TSBP1: variants seen among roughly 807,000 people sequenced by gnomAD.
TSBP1 encodes testis-expressed basic protein 1.
In TSBP1, 56 loss-of-function variants were observed where a neutral mutation model predicts 68.8. The ratio of observed to expected loss-of-function variants is 0.81; its 90% confidence interval spans 0.66 to 1.02. The LOEUF is 1.02. Among genes scored for constraint, TSBP1 ranks in the 50% least tolerant of loss-of-function variants. The pLI is 0.00. For missense variants in TSBP1, 502 were observed against 641.2 expected (o/e 0.78, Z 2.34); for synonymous variants, 171 against 208.7 (o/e 0.82, Z 1.56).
Position 32,333,869 on chromosome 6 carries a change from ATT to A in TSBP1, c.472+1566_472+1567del. 6.3e-6 allele frequency: 1 copy of A among 159,086 alleles called. No individual in the cohort carries two copies. The highest frequency in any genetic ancestry group is 1.4e-5 in the Non-Finnish European group (1 of 70,634). The allele number at this position is 159,086 out of a possible 1,614,324, so 9.9% of individuals were successfully genotyped here. On this transcript the variant is annotated intron_variant, in intron 14 of 22. Coordinates refer to ENST00000612031, the Ensembl canonical transcript of TSBP1. The surrounding 1 kb of genome is among the most constrained non-coding windows in gnomAD (Gnocchi z 4.2). ...ATAATCCTCGAACTTTTAACTCTGA[ATT>A]TTTTTTTTCCTGTGTAAAACACCTG...
chr6:32,369,653 G>A (rs947488870), intron 2 of TSBP1, among the ~76,000 whole-genome samples: 1 of 149,760 alleles, frequency 6.7e-6, no homozygotes, highest in Non-Finnish European at 1.5e-5. Flanking sequence ...ACAGGCGTGA[G>A]CCACCGCTCC....
chr6:32,325,717 CCA>C lies in TSBP1; in HGVS notation c.515-2105_515-2104del. On this transcript the variant is annotated intron_variant, in intron 16 of 22. Transcript: ENST00000612031. The surrounding 1 kb of genome is among the most constrained non-coding windows in gnomAD (Gnocchi z 4.4). ...TGGATAAGACTGTCATTCAGAAATACCACAGTGTGAATGGCCACAACTGTGAA... is the reference window on the plus strand; with the variant it reads ...TGGATAAGACTGTCATTCAGAAATACCAGTGTGAATGGCCACAACTGTGAA... 9.4e-7 allele frequency: 1 copy of C among 1,059,362 alleles called. No homozygotes were observed. The allele number at this position is 1,059,362 out of a possible 1,614,324, so 65.6% of individuals were successfully genotyped here.
At position 32,315,823 on chromosome 6, in the gene TSBP1, A is replaced by AT. The variant is rs1191681208; in HGVS notation, c.560-32dup. 1.4e-6 allele frequency: 2 copies of AT among 1,406,002 alleles called. No homozygotes were observed. The highest frequency in any genetic ancestry group is 2.5e-5 in the South Asian group (2 of 79,128). The allele number at this position is 1,406,002 out of a possible 1,614,324, so 87.1% of individuals were successfully genotyped here. On this transcript the variant is annotated intron_variant, in intron 18 of 22. Transcript: ENST00000612031. The surrounding 1 kb of genome is among the most constrained non-coding windows in gnomAD (Gnocchi z 5.4). The stretch of plus-strand genomic sequence containing the variant: ...AAATAAGCAAAAAGAAATCCATTTA[A>AT]TTTTTCTCAAATGGAGAAAACATAG...
chr6:32,318,996 A>G (rs1767295417), intron 18 of TSBP1, among the ~76,000 whole-genome samples: 1 of 152,214 alleles, frequency 6.6e-6, no homozygotes, highest in African/African-American at 2.4e-5. Flanking sequence ...AGGGACAGAG[A>G]GGAGATATTT....
chr6:32,345,382 T>C (rs1009360468), intron 9 of TSBP1, among the ~76,000 whole-genome samples: 1 of 152,088 alleles, frequency 6.6e-6, no homozygotes. Flanking sequence ...AGTTAATTGG[T>C]TTATAAAGTA....
chr6:32,365,306 C>A lies in TSBP1; in HGVS notation c.217+861G>T, dbSNP rs1221082553. ...TGCTCTGGAATTCTCAAGTTTGTGT[C>A]CTTTTTTCCAATCCCACAAAGTCAA... On this transcript the variant is annotated intron_variant, in intron 6 of 22. Coordinates refer to ENST00000612031, the Ensembl canonical transcript of TSBP1. This position sits in a 1 kb window ranked among gnomAD's most constrained non-coding sequence, Gnocchi z 4.3. 4.4e-6 allele frequency: 2 copies of A among 456,874 alleles called. No homozygotes were observed. Among genetic ancestry groups the A allele is most frequent in the African/African-American group, 4.0e-5 (2 of 50,058 alleles). 28.3% of individuals were successfully genotyped at this position (456,874 alleles called of 1,614,324 possible). A position where few individuals can be genotyped will look rare whatever the true frequency, so the allele number is the denominator to read the frequency against.
intron 20 of TSBP1, among the ~76,000 whole-genome samples, chr6:32,301,122 G>A (rs1420331365): frequency 1.3e-5 from 2 of 151,984 alleles, no homozygotes; most frequent in African/African-American, 4.8e-5. Context: ...TCCACTTCCG[G>A]GGTTCAAGCG....
chr6:32,325,925 A>G lies in TSBP1; in HGVS notation c.515-2311T>C, dbSNP rs2127592651. On this transcript the variant is annotated intron_variant, in intron 16 of 22. Transcript: ENST00000612031. This position sits in a 1 kb window ranked among gnomAD's most constrained non-coding sequence, Gnocchi z 4.4. ...GGTGGCAGCTGTGGTGGTGGTGGAT[A>G]TGGTGGCAGTGAGGATGGCTATAAT... The G allele has an allele frequency of 1.9e-6, 3 of 1,555,114 alleles. No individual in the cohort carries two copies. The highest frequency in any genetic ancestry group is 4.5e-5 in the East Asian group (2 of 44,662).
rs995058854 is a variant in TSBP1, at chr6:32,316,263, A to G, written c.560-471T>C. 1.5e-6 allele frequency: 1 copy of G among 649,512 alleles called. No individual in the cohort carries two copies. The highest frequency in any genetic ancestry group is 1.8e-5 in the African/African-American group (1 of 54,768). 40.2% of individuals were successfully genotyped at this position (649,512 alleles called of 1,614,324 possible). On this transcript the variant is annotated intron_variant, in intron 18 of 22. Transcript: ENST00000612031. The surrounding 1 kb of genome is among the most constrained non-coding windows in gnomAD (Gnocchi z 4.5). ...CCTCTTTTAATTAGTGTTTAAAAAGATTCTCTGTAATATAGACCATGTAGG... is the reference window on the plus strand; with the variant it reads ...CCTCTTTTAATTAGTGTTTAAAAAGGTTCTCTGTAATATAGACCATGTAGG...
intron 6 of TSBP1, among the ~76,000 whole-genome samples, chr6:32,363,176 G>A (rs1187721382): frequency 1.3e-5 from 2 of 152,026 alleles, no homozygotes; most frequent in Non-Finnish European, 2.9e-5. Context: ...CCTGATGTAA[G>A]TATAGCCACC....
chr6:32,369,813 G>A, intron 2 of TSBP1, 84 bp downstream of exon 2: 1 of 863,544 alleles, frequency 1.2e-6, no homozygotes, highest in Non-Finnish European at 2.0e-6. Flanking sequence ...TGTTTGATGA[G>A]TGAGATGAAC....
intron 6 of TSBP1, among the ~76,000 whole-genome samples, chr6:32,358,579 A>G (rs1198055212): frequency 6.6e-6 from 1 of 151,708 alleles, no homozygotes; most frequent in Non-Finnish European, 1.5e-5. Flanking sequence ...CTCACCCCAC[A>G]ACAGGCCCCG....
In TSBP1 at chr6:32,315,018, C is replaced by T. The variant is rs1766800008; in HGVS notation, c.580+754G>A. Among the ~76,000 whole-genome samples the T allele has an allele frequency of 6.6e-6, 1 of 152,094 alleles. No homozygotes were observed. Among genetic ancestry groups the T allele is most frequent in the South Asian group, 2.1e-4 (1 of 4,832 alleles). On this transcript the variant is annotated intron_variant, in intron 19 of 22. Transcript: ENST00000612031. This position sits in a 1 kb window ranked among gnomAD's most constrained non-coding sequence, Gnocchi z 5.4. ...CTCTTTTGGCATCTGCGTTTTTAAC[C>T]TTGACAGGAACTTTGGGTTTTAATA...
Position 32,314,432 on chromosome 6 carries a change from G to C in TSBP1, c.580+1340C>G, listed in dbSNP as rs1378149719. On this transcript the variant is annotated intron_variant, in intron 19 of 22. Transcript: ENST00000612031. This position sits in a 1 kb window ranked among gnomAD's most constrained non-coding sequence, Gnocchi z 4.2. ...TTCTCCTGAACTTTGGTGGGCCTTGGTCTCTGTTCCCAATTATATGGCCCA... is the reference window on the plus strand; with the variant it reads ...TTCTCCTGAACTTTGGTGGGCCTTGCTCTCTGTTCCCAATTATATGGCCCA... 2.0e-5 allele frequency among the ~76,000 whole-genome samples: 3 copies of C among 152,122 alleles called. No homozygotes were observed. Among genetic ancestry groups the C allele is most frequent in the African/African-American group, 7.2e-5 (3 of 41,422 alleles).
intron 8 of TSBP1, among the ~76,000 whole-genome samples, chr6:32,354,857 G>A (rs1436678256): frequency 6.6e-6 from 1 of 151,808 alleles, no homozygotes; most frequent in Admixed American, 6.6e-5. Flanking sequence ...TCAGTGATAG[G>A]TAGAGACTAT....
At chr6:32,331,981 T>A in intron 15 of TSBP1, 53 bp downstream of exon 16, 1 of 1,351,942 alleles carries the variant, frequency 7.4e-7, no homozygotes, top group East Asian at 2.3e-5. Context: ...CCAGTCTCCT[T>A]CAGACATAGT....
chr6:32,322,538 T>C, intron 18 of TSBP1, 32 bp from the exon 20 acceptor site: 2 of 1,547,354 alleles, frequency 1.3e-6, no homozygotes, highest in Non-Finnish European at 1.8e-6. Flanking sequence ...ATCCATTTAA[T>C]TTTTCTCAAA....
Position 32,306,087 on chromosome 6 carries a change from A to G in TSBP1, c.581-3458T>C, listed in dbSNP as rs1320859585. On this transcript the variant is annotated intron_variant, in intron 19 of 22. Transcript: ENST00000612031. The surrounding 1 kb of genome is among the most constrained non-coding windows in gnomAD (Gnocchi z 5.1). ...ACAGTGAAACAGCAAAATAACTAAC[A>G]TGAACTCTTTTTTTGTTTAAAGGAC... Among the ~76,000 whole-genome samples, 6 of 152,230 alleles carry G rather than the reference A, an allele frequency of 3.9e-5. No homozygotes were observed. The highest frequency in any genetic ancestry group is 1.4e-4 in the African/African-American group (6 of 41,466).
chr6:32,340,952 C>T lies in TSBP1; in HGVS notation c.350-1314G>A, dbSNP rs186549373. On this transcript the variant is annotated intron_variant, in intron 9 of 22. Coordinates refer to ENST00000612031, the Ensembl canonical transcript of TSBP1. The surrounding 1 kb of genome is among the most constrained non-coding windows in gnomAD (Gnocchi z 4.8). ...CTGGGATTACAGGCATGTGCCACCA[C>T]GCCCAGCTAATTTTTGTATTTTTAG... Among the ~76,000 whole-genome samples the T allele has an allele frequency of 7.0e-3, 1,073 of 152,216 alleles. 19 individuals carry two copies. The highest frequency in any genetic ancestry group is 0.02 in the East Asian group (102 of 5,184).
Sources: allele counts gnomAD v4.1 joint callset (sites outside exome capture counted in the v4.1 genomes callset), GRCh38; gene constraint gnomAD v4.1.1; non-coding constraint Gnocchi (gnomAD v3.1); transcripts MANE v1.5; gene names NCBI Gene and HGNC (gene_info 2026-07-23, HGNC 2026-07-21).